ZPBP: variants seen among roughly 807,000 people sequenced by gnomAD.
ZPBP encodes the protein zona pellucida-binding protein 1.
Under a neutral mutation model 44.8 loss-of-function variants are expected in ZPBP, and 26 were observed. The observed-to-expected ratio is 0.58, with a 90% CI of 0.43 to 0.81. ZPBP has a LOEUF of 0.81. ZPBP is among the 30% of genes least tolerant of loss of function. The pLI is 0.00. For synonymous variants in ZPBP, 174 were observed against 153.2 expected (o/e 1.14, Z -1.00); for missense variants, 409 against 434.0 (o/e 0.94, Z 0.51).
At chr7:49,861,010 A>T (rs1011503725) in intron 2 of ZPBP, among the ~76,000 whole-genome samples, 11 of 152,252 alleles carry the variant, frequency 7.2e-5, no homozygotes, top group Non-Finnish European at 1.3e-4. Flanking sequence ...TTTAAATGGT[A>T]GCTCTAGGGA....
At chr7:50,084,364 A>G (rs1393058698) in intron 2 of ZPBP, among the ~76,000 whole-genome samples, 2 of 151,626 alleles carry the variant, frequency 1.3e-5, no homozygotes, top group East Asian at 3.9e-4. Flanking sequence ...AAAAAAAAAA[A>G]TACAAAATGG....
At chr7:50,028,902 G>C (rs1241148899) in intron 5 of ZPBP, among the ~76,000 whole-genome samples, 1 of 152,074 alleles carries the variant, frequency 6.6e-6, no homozygotes, top group Non-Finnish European at 1.5e-5. Flanking sequence ...ATATTGTTAA[G>C]GTGGCAATAA....
chr7:49,866,176 C>T (rs1790883278), intron 2 of ZPBP, among the ~76,000 whole-genome samples: 1 of 152,186 alleles, frequency 6.6e-6, no homozygotes, highest in Admixed American at 6.5e-5. Flanking sequence ...TGGATTGTTT[C>T]TCACTTGCTT....
intron 2 of ZPBP, among the ~76,000 whole-genome samples, chr7:49,856,806 G>A (rs1369851603): frequency 2.0e-5 from 3 of 151,882 alleles, no homozygotes; most frequent in African/African-American, 4.8e-5. Flanking sequence ...TCAGGAGATC[G>A]AGACCATCCT....
chr7:50,006,697 A>G (rs1798329214), intron 6 of ZPBP, among the ~76,000 whole-genome samples: 1 of 152,082 alleles, frequency 6.6e-6, no homozygotes, highest in South Asian at 2.1e-4. Context: ...AAATAATTTA[A>G]AAGATTACAG....
chr7:49,976,297 A>C (rs879377778), intron 7 of ZPBP, among the ~76,000 whole-genome samples: 1 of 152,186 alleles, frequency 6.6e-6, no homozygotes, highest in Admixed American at 6.5e-5. Context: ...GGATCATTTT[A>C]AACTAACTGA....
chr7:49,968,535 T>C (rs1796156192), intron 7 of ZPBP, among the ~76,000 whole-genome samples: 1 of 152,076 alleles, frequency 6.6e-6, no homozygotes, highest in South Asian at 2.1e-4. Flanking sequence ...AACTAAATGT[T>C]AATTAACATA....
intron 1 of ZPBP, chr7:49,921,078 T>A (rs1793996645): frequency 6.6e-6 from 1 of 152,214 alleles, no homozygotes; most frequent in Non-Finnish European, 1.5e-5. Context: ...CACTAATAAA[T>A]CATCAGTCAC....
chr7:50,008,014 AG>A (rs1481853416), intron 6 of ZPBP, among the ~76,000 whole-genome samples: 3 of 151,982 alleles, frequency 2.0e-5, no homozygotes, highest in Non-Finnish European at 4.4e-5. Flanking sequence ...CAGTACTCCT[AG>A]GAACAGCAAT....
intron 3 of ZPBP, among the ~76,000 whole-genome samples, chr7:50,080,348 C>T (rs1802296223): frequency 6.6e-6 from 1 of 151,458 alleles, no homozygotes; most frequent in Non-Finnish European, 1.5e-5. Context: ...AAGATAAAAA[C>T]CAATGTAGTA....
chr7:49,937,845 G>A (rs1794678175), intron 7 of ZPBP, among the ~76,000 whole-genome samples: 1 of 152,096 alleles, frequency 6.6e-6, no homozygotes, highest in Non-Finnish European at 1.5e-5. Context: ...TGGTTTCCAT[G>A]AGTTTCACTA....
rs1230880326 is a variant in ZPBP, at chr7:50,081,793, A to G, written c.315T>C (p.Pro105=). ...TCCTACCTGAAACAACTTTTCCTTT[A>G]GGCCCATACCATTGGAATGATGGGT... ...LIDPSFQWYG[P]KGKVVSVENR... The change falls in exon 3 of 8, where the codon CCT becomes CCC. Residue 105 remains proline (P), a synonymous_variant. Transcript: ENST00000046087. The G allele has an allele frequency of 6.2e-7, 1 of 1,611,234 alleles. No homozygotes were observed. The highest frequency in any genetic ancestry group is 1.3e-5 in the African/African-American group (1 of 74,790).
chr7:49,977,911 C>G (rs1796600746), intron 7 of ZPBP, among the ~76,000 whole-genome samples: 1 of 152,078 alleles, frequency 6.6e-6, no homozygotes, highest in Non-Finnish European at 1.5e-5. Flanking sequence ...ATGTAGATGT[C>G]TGATTCCTAA....
At chr7:49,848,317 A>T (rs146449595), downstream of ZPBP, among the ~76,000 whole-genome samples, 196 of 152,284 alleles carry the variant, frequency 1.3e-3, no homozygotes, top group African/African-American at 4.6e-3. Flanking sequence ...TCTTTCCAGG[A>T]TCTTCTCTCT....
chr7:50,085,877 TG>T (rs1489241030), intron 2 of ZPBP, among the ~76,000 whole-genome samples: 2 of 152,196 alleles, frequency 1.3e-5, no homozygotes, highest in East Asian at 3.9e-4. Flanking sequence ...TGCAAAAGAC[TG>T]TGTACATGCC....
At chr7:49,991,705 A>C (rs1007976533) in intron 6 of ZPBP, among the ~76,000 whole-genome samples, 1 of 152,076 alleles carries the variant, frequency 6.6e-6, no homozygotes, top group African/African-American at 2.4e-5. Context: ...AGTTTTTTTT[A>C]AGTAGTATAT....
In ZPBP at chr7:50,089,677, G is replaced by T. The variant is rs200921057; in HGVS notation, c.160C>A (p.Arg54Ser). 6.2e-7 allele frequency: 1 copy of T among 1,611,218 alleles called. No homozygotes were observed. The highest frequency in any genetic ancestry group is 8.5e-7 in the Non-Finnish European group (1 of 1,178,634). ...ATTTTCACTGAATCTTTGGTCAAGCGAAAAGCTCTTGGTAATCGAACCAAG... is the reference window on the plus strand; with the variant it reads ...ATTTTCACTGAATCTTTGGTCAAGCTAAAAGCTCTTGGTAATCGAACCAAG... The part of the protein sequence containing the change: ...GHLVRLPRAF[R>S]LTKDSVKIVG... The change falls in exon 2 of 8, where the codon CGC (arginine) becomes AGC (serine). Residue 54 changes from arginine to serine, a missense_variant. Arg to Ser is a moderately radical substitution (Grantham distance 110). Transcript: ENST00000046087.
intron 7 of ZPBP, among the ~76,000 whole-genome samples, chr7:49,980,726 G>C (rs981668442): frequency 1.3e-5 from 2 of 151,954 alleles, no homozygotes; most frequent in African/African-American, 4.8e-5. Flanking sequence ...ATTCATGAGA[G>C]ATCTGCTCCC....
chr7:49,911,343 G>A (rs1793411696), intron 1 of ZPBP, among the ~76,000 whole-genome samples: 1 of 151,774 alleles, frequency 6.6e-6, no homozygotes, highest in Non-Finnish European at 1.5e-5. Context: ...TTAGCTGGGT[G>A]TGGTGGCACG....
Sources: allele counts gnomAD v4.1 joint callset (sites outside exome capture counted in the v4.1 genomes callset), GRCh38; gene constraint gnomAD v4.1.1; transcripts MANE v1.5; gene names NCBI Gene and HGNC (gene_info 2026-07-23, HGNC 2026-07-21).